The following STXBP5L variants were observed in gnomAD, a reference collection of about 807,000 sequenced individuals.
STXBP5L encodes syntaxin-binding protein 5-like.
STXBP5L carries 65 observed loss-of-function variants against 144.5 expected under a neutral mutation model. The observed-to-expected ratio is 0.45, with a 90% confidence interval of 0.37 to 0.55. The LOEUF (loss-of-function observed/expected upper bound fraction) is 0.55. STXBP5L is among the 20% of genes least tolerant of loss of function. STXBP5L has a pLI of 0.00. For synonymous variants in STXBP5L, 505 were observed against 469.6 expected, an observed-to-expected ratio of 1.08 and a Z score of -0.97; for missense variants, 1,298 against 1,405.5, an observed-to-expected ratio of 0.92 and a Z score of 1.22.
intron 9 of STXBP5L, among the ~76,000 whole-genome samples, chr3:121,196,762 C>T (rs987513634): frequency 2.6e-4 from 40 of 152,026 alleles, no homozygotes; most frequent in African/African-American, 9.4e-4. Flanking sequence ...CTCAACCTCC[C>T]TGGCTCAAGT....
At chr3:121,211,835 C>T (rs528220364) in intron 10 of STXBP5L, among the ~76,000 whole-genome samples, 3 of 152,160 alleles carry the variant, frequency 2.0e-5, no homozygotes, top group South Asian at 4.2e-4. Context: ...CCGCCTCAGC[C>T]TCCCAAACTG....
intron 7 of STXBP5L, among the ~76,000 whole-genome samples, chr3:121,147,061 T>A (rs1424710472): frequency 6.6e-6 from 1 of 151,964 alleles, no homozygotes; most frequent in African/African-American, 2.4e-5. Context: ...AACAAAGAAA[T>A]AATTAGTGTG....
At chr3:120,917,842 A>G (rs1220120330) in intron 2 of STXBP5L, among the ~76,000 whole-genome samples, 1 of 152,378 alleles carries the variant, frequency 6.6e-6, no homozygotes, top group South Asian at 2.1e-4. Flanking sequence ...AAATAAAAGC[A>G]TGTGATTCTA....
intron 9 of STXBP5L, among the ~76,000 whole-genome samples, chr3:121,167,334 G>A (rs1443949532): frequency 6.6e-6 from 1 of 151,906 alleles, no homozygotes. Flanking sequence ...AACAACCATT[G>A]GAATCCATCC....
At chr3:121,004,315 G>A (rs1382115874) in intron 3 of STXBP5L, among the ~76,000 whole-genome samples, 3 of 151,552 alleles carry the variant, frequency 2.0e-5, no homozygotes, top group Admixed American at 2.0e-4. Context: ...TGAAGCAATT[G>A]TGAATGGGAG....
chr3:120,974,412 G>A (rs1003015252), intron 3 of STXBP5L, among the ~76,000 whole-genome samples: 10 of 150,424 alleles, frequency 6.6e-5, no homozygotes, highest in Non-Finnish European at 8.8e-5. Context: ...TTGTAAATTT[G>A]TTTGAGTTCA....
chr3:121,015,291 T>G (rs1183625670), intron 3 of STXBP5L, among the ~76,000 whole-genome samples: 1 of 152,168 alleles, frequency 6.6e-6, no homozygotes, highest in Non-Finnish European at 1.5e-5. Flanking sequence ...GGTTTCAACT[T>G]CAACATGCAA....
chr3:121,228,855 C>T (rs946668040), intron 11 of STXBP5L, among the ~76,000 whole-genome samples: 2 of 151,954 alleles, frequency 1.3e-5, no homozygotes, highest in East Asian at 1.9e-4. Flanking sequence ...CCAACCTGGG[C>T]GATAGAGTGA....
At chr3:121,116,655 C>T (rs922333511) in intron 6 of STXBP5L, among the ~76,000 whole-genome samples, 1 of 151,964 alleles carries the variant, frequency 6.6e-6, no homozygotes. Flanking sequence ...TTGGTGTGAG[C>T]TATTTTGCTC....
chr3:121,249,699 G>T (rs1451634758), intron 14 of STXBP5L, among the ~76,000 whole-genome samples: 2 of 151,794 alleles, frequency 1.3e-5, no homozygotes, highest in Non-Finnish European at 2.9e-5. Context: ...CCCTATTTCA[G>T]TGCTTAACAC....
intron 5 of STXBP5L, among the ~76,000 whole-genome samples, chr3:121,080,244 A>C (rs146995439): frequency 0.019 from 2,847 of 152,292 alleles, 35 homozygotes; most frequent in Middle Eastern, 0.041. Flanking sequence ...TCTTGAAGAC[A>C]ACAGATATTG....
intron 5 of STXBP5L, among the ~76,000 whole-genome samples, chr3:121,094,988 C>T (rs967238513): frequency 6.6e-6 from 1 of 152,054 alleles, no homozygotes; most frequent in Non-Finnish European, 1.5e-5. Context: ...AATCTCTCAG[C>T]ATTTGCTTGT....
intron 9 of STXBP5L, among the ~76,000 whole-genome samples, chr3:121,200,876 A>G (rs1215683480): frequency 6.6e-6 from 1 of 152,098 alleles, no homozygotes; most frequent in Non-Finnish European, 1.5e-5. Flanking sequence ...ATTCATTTGC[A>G]TTTGCTGAGG....
At chr3:121,034,374 GAGACTGTA>G (rs748577512) in intron 3 of STXBP5L, among the ~76,000 whole-genome samples, 15 of 152,032 alleles carry the variant, frequency 9.9e-5, no homozygotes, top group African/African-American at 3.6e-4. Context: ...ATCTATAAGT[GAGACTGTA>G]ATATTTCACA....
chr3:121,130,707 T>C (rs987501663), intron 7 of STXBP5L, among the ~76,000 whole-genome samples: 2 of 152,252 alleles, frequency 1.3e-5, no homozygotes, highest in South Asian at 4.1e-4. Flanking sequence ...AGCAGTATAC[T>C]GTATTATGCA....
intron 14 of STXBP5L, among the ~76,000 whole-genome samples, chr3:121,248,459 A>C (rs2049927055): frequency 6.6e-6 from 1 of 151,944 alleles, no homozygotes; most frequent in African/African-American, 2.4e-5. Flanking sequence ...GCATCTGTTC[A>C]TGTCTTTTGC....
intron 2 of STXBP5L, among the ~76,000 whole-genome samples, chr3:120,946,102 T>G (rs1037562472): frequency 2.6e-5 from 4 of 151,826 alleles, no homozygotes; most frequent in African/African-American, 9.7e-5. Context: ...ATAAATTAAC[T>G]TGGTGATCTA....
chr3:121,009,623 G>A (rs528105580), intron 3 of STXBP5L, among the ~76,000 whole-genome samples: 2 of 152,018 alleles, frequency 1.3e-5, no homozygotes, highest in East Asian at 3.9e-4. Flanking sequence ...ACACCTACAT[G>A]TTCATAGCTA....
intron 5 of STXBP5L, among the ~76,000 whole-genome samples, chr3:121,061,652 C>T (rs1212908038): frequency 6.6e-6 from 1 of 152,136 alleles, no homozygotes; most frequent in Non-Finnish European, 1.5e-5. Flanking sequence ...CCGGGTGCTC[C>T]TGTATGTGGT....
Sources: gnomAD v4.1 joint callset for allele counts (sites outside exome capture counted in the v4.1 genomes callset) on GRCh38, gnomAD v4.1.1 for gene constraint, MANE v1.5 for transcripts, NCBI Gene and HGNC (gene_info 2026-07-23, HGNC 2026-07-21) for gene names.